GRB10: variants seen among roughly 807,000 people sequenced by gnomAD.
GRB10 encodes the protein growth factor receptor bound protein 10.
In GRB10, 20 loss-of-function variants were observed where a neutral mutation model predicts 80.9. That is an observed-to-expected ratio of 0.25 (90% CI 0.17 to 0.36). The LOEUF (loss-of-function observed/expected upper bound fraction) is 0.36, where lower values mean the gene tolerates loss of function less well. Ranked by LOEUF, GRB10 falls within the 10% of genes least tolerant of loss-of-function variation. GRB10 has a pLI of 1.00. For synonymous variants in GRB10, 291 were observed against 291.5 expected, an observed-to-expected ratio of 1.00 and a Z score of 0.02; for missense variants, 548 against 747.7, an observed-to-expected ratio of 0.73 and a Z score of 3.12.
At chr7:50,775,155 T>A (rs1292697706) in intron 2 of GRB10, among the ~76,000 whole-genome samples, 2 of 13,492 alleles carry the variant, frequency 1.5e-4, no homozygotes, top group East Asian at 3.0e-3. Context: ...AGTGAGATCC[T>A]GTCTCCAAAA....
chr7:50,708,166 T>C (rs1047284403), intron 4 of GRB10, among the ~76,000 whole-genome samples: 1 of 152,272 alleles, frequency 6.6e-6, no homozygotes, highest in Non-Finnish European at 1.5e-5. Flanking sequence ...CTTGCAACTC[T>C]ATGCCTCAAA....
chr7:50,703,655 C>G (rs118158246), intron 5 of GRB10, among the ~76,000 whole-genome samples, 166 bp downstream of exon 5: 1 of 152,294 alleles, frequency 6.6e-6, no homozygotes, highest in East Asian at 1.9e-4. Flanking sequence ...ATATCAGAAC[C>G]AAGGATCTTT....
At chr7:50,781,931 C>T (rs1012951231) in intron 1 of GRB10, among the ~76,000 whole-genome samples, 26 of 152,156 alleles carry the variant, frequency 1.7e-4, no homozygotes, top group African/African-American at 6.3e-4. Context: ...TTACTCAAAG[C>T]TTTTTTATAC....
At chr7:50,770,533 C>G (rs1043936403) in intron 2 of GRB10, among the ~76,000 whole-genome samples, 1 of 152,208 alleles carries the variant, frequency 6.6e-6, no homozygotes, top group Non-Finnish European at 1.5e-5. Flanking sequence ...TGACCTCACC[C>G]CTATGGCAAG....
intron 2 of GRB10, among the ~76,000 whole-genome samples, chr7:50,777,714 A>T (rs2051895): frequency 2.0e-5 from 3 of 151,888 alleles, no homozygotes; most frequent in Admixed American, 2.0e-4. Context: ...GTACATATAC[A>T]CCGTGGAATA....
intron 5 of GRB10, among the ~76,000 whole-genome samples, chr7:50,691,184 ACT>A (rs1323026903): frequency 6.6e-6 from 1 of 152,138 alleles, no homozygotes; most frequent in Admixed American, 6.5e-5. Context: ...GCCAAGGAAA[ACT>A]CAATCCCTAC....
intron 9 of GRB10, among the ~76,000 whole-genome samples, chr7:50,618,922 TA>T (rs1303215026): frequency 6.6e-6 from 1 of 152,246 alleles, no homozygotes; most frequent in Non-Finnish European, 1.5e-5. Context: ...TCTTAGAGAC[TA>T]ACCCCCTTTA....
intron 4 of GRB10, among the ~76,000 whole-genome samples, chr7:50,724,330 T>A (rs1459553456): frequency 6.6e-6 from 1 of 152,200 alleles, no homozygotes; most frequent in Non-Finnish European, 1.5e-5. Context: ...CACATAGCAA[T>A]GAATTGCCAG....
At chr7:50,616,154 T>TG (rs536356257) in intron 11 of GRB10, 56 bp downstream of exon 11, 1 of 1,609,748 alleles carries the variant, frequency 6.2e-7, no homozygotes, top group Non-Finnish European at 8.5e-7. Flanking sequence ...TCTGAGGACC[T>TG]GGGGGGAGTG....
intron 7 of GRB10, among the ~76,000 whole-genome samples, chr7:50,662,478 A>G (rs1008419013): frequency 6.6e-6 from 1 of 152,132 alleles, no homozygotes; most frequent in African/African-American, 2.4e-5. Flanking sequence ...GTGATGCTTC[A>G]GCCCCAGGCA....
intron 2 of GRB10, among the ~76,000 whole-genome samples, chr7:50,767,672 A>G (rs1309846039): frequency 6.6e-6 from 1 of 151,940 alleles, no homozygotes; most frequent in Non-Finnish European, 1.5e-5. Context: ...TCAGCTCCCA[A>G]CCCATCCTTG....
intron 3 of GRB10, among the ~76,000 whole-genome samples, chr7:50,751,056 C>A (rs897657985): frequency 2.0e-5 from 3 of 152,142 alleles, no homozygotes. Context: ...AGGCATTGAC[C>A]CACAGGGACC....
At chr7:50,764,577 C>T (rs2076133555) in intron 2 of GRB10, among the ~76,000 whole-genome samples, 2 of 152,220 alleles carry the variant, frequency 1.3e-5, no homozygotes, top group Non-Finnish European at 2.9e-5. Flanking sequence ...GGGACATGAG[C>T]TCTGGTCTGT....
Position 50,591,928 on chromosome 7 carries a change from T to A in GRB10, c.*1024A>T, listed in dbSNP as rs1409407301. The A allele has an allele frequency of 6.6e-6, 1 of 152,238 alleles. No individual in the cohort carries two copies. The highest frequency in any genetic ancestry group is 1.9e-4 in the East Asian group (1 of 5,198). The allele number at this position is 152,238 out of a possible 1,614,324, so 9.4% of individuals were successfully genotyped here. ...AGGTGCCATTTTCTCTTTAGATCCT[T>A]TAATCCCCCGAGGGACATCAGCCGT... is the stretch of plus-strand genomic sequence containing the variant. On this transcript the variant is annotated 3_prime_UTR_variant, in exon 19 of 19. Coordinates refer to ENST00000401949, the MANE Select transcript of GRB10 (RefSeq NM_001350814.2).
chr7:50,707,775 C>G (rs1042614029), intron 4 of GRB10, among the ~76,000 whole-genome samples: 3 of 152,196 alleles, frequency 2.0e-5, no homozygotes, highest in Non-Finnish European at 2.9e-5. Flanking sequence ...CAGCCCTGCT[C>G]CAGGCCTGTC....
chr7:50,746,300 A>C lies in GRB10; in HGVS notation c.-47+9587T>G, dbSNP rs565884782. 1.3e-5 allele frequency among the ~76,000 whole-genome samples: 2 copies of C among 152,246 alleles called. 1 individual carries two copies. The highest frequency in any genetic ancestry group is 4.1e-4 in the South Asian group (2 of 4,830). ...AAAGCCAAAAACACAAAGCATTATT[A>C]GATCAAAAATTAAAATTAAAACAGT... is the stretch of plus-strand genomic sequence containing the variant. On this transcript the variant is annotated intron_variant, in intron 3 of 18. Transcript: ENST00000401949.
At chr7:50,593,298 G>A (rs923435335) in intron 18 of GRB10, among the ~76,000 whole-genome samples, 200 bp from the exon 19 acceptor site, 2 of 152,284 alleles carry the variant, frequency 1.3e-5, no homozygotes, top group African/African-American at 4.8e-5. Flanking sequence ...CCCTGAGCGA[G>A]GGACAGACTT....
intron 3 of GRB10, among the ~76,000 whole-genome samples, chr7:50,744,043 T>C (rs1483764734): frequency 1.2e-4 from 19 of 152,076 alleles, no homozygotes. Flanking sequence ...ACATGCAGCC[T>C]TCTCAAGCCG....
chr7:50,641,355 C>A (rs1412057926), intron 7 of GRB10, among the ~76,000 whole-genome samples: 1 of 152,026 alleles, frequency 6.6e-6, no homozygotes, highest in Middle Eastern at 3.2e-3. Context: ...CTGTTCAAGT[C>A]TTCCATTCAA....
Sources: gnomAD v4.1 joint callset for allele counts (sites outside exome capture counted in the v4.1 genomes callset) on GRCh38, gnomAD v4.1.1 for gene constraint, MANE v1.5 for transcripts, NCBI Gene and HGNC (gene_info 2026-07-23, HGNC 2026-07-21) for gene names.